The following DLC1 variants were observed in gnomAD, a reference collection of about 807,000 sequenced individuals.
DLC1 encodes rho GTPase-activating protein 7.
DLC1 carries 54 observed loss-of-function variants against 140.3 expected under a neutral mutation model. The ratio of observed to expected loss-of-function variants is 0.38; its 90% CI spans 0.31 to 0.48. The LOEUF (loss-of-function observed/expected upper bound fraction) is 0.48. Ranked by LOEUF, DLC1 falls within the 20% of genes least tolerant of loss-of-function variation. The pLI, the probability that DLC1 is intolerant of heterozygous loss-of-function variation, is 0.96. For synonymous variants in DLC1, 986 were observed against 728.1 expected (o/e 1.35, Z -5.70); for missense variants, 2,536 against 1,907.0 (o/e 1.33, Z -6.14).
At chr8:13,278,348 G>C (rs1253179889) in intron 5 of DLC1, among the ~76,000 whole-genome samples, 1 of 152,218 alleles carries the variant, frequency 6.6e-6, no homozygotes, top group Non-Finnish European at 1.5e-5. Context: ...TGGGCACCTT[G>C]AAGCGTGTTG....
In DLC1 at chr8:13,567,501, T is replaced by C. The variant is rs142608247; in HGVS notation, c.-126+37036A>G. 1.9e-5 allele frequency: 29 copies of C among 1,552,070 alleles called. No individual in the cohort carries two copies. In the South Asian group the frequency reaches 1.9e-4, roughly 10 times the overall value. The stretch of plus-strand genomic sequence containing the variant: ...ATGCCTTTAGTTGTACTGTACCCGA[T>C]GAACTTTTGAACAGAATCTACTTTA... On this transcript the variant is annotated intron_variant, in intron 1 of 1. Transcript: ENST00000631382.
Position 13,277,933 on chromosome 8 carries a change from G to A in DLC1, c.1348+27336C>T, listed in dbSNP as rs554298973. On this transcript the variant is annotated intron_variant, in intron 5 of 17. Coordinates refer to ENST00000276297, the MANE Select transcript of DLC1 (RefSeq NM_182643.3). ...CTGAGTCTTCTAATTTCTACAACACGCATTATTTTCACATATATCTTTAAC... is the reference window on the plus strand; with the variant it reads ...CTGAGTCTTCTAATTTCTACAACACACATTATTTTCACATATATCTTTAAC... 7.9e-5 allele frequency among the ~76,000 whole-genome samples: 12 copies of A among 152,178 alleles called. No homozygotes were observed. The South Asian group carries it at 1.2e-3, about 16-fold the overall frequency.
chr8:13,584,023 A>C (rs540062285), intron 1 of DLC1: 10 of 152,326 alleles, frequency 6.6e-5, no homozygotes, highest in Non-Finnish European at 1.2e-4. Context: ...TTCTGTCTGT[A>C]TGTTCTGTTG....
intron 2 of DLC1, among the ~76,000 whole-genome samples, chr8:13,464,746 T>TTATATATATATATATATATTTA (rs1187889322): frequency 1.5e-5 from 2 of 130,930 alleles, no homozygotes; most frequent in African/African-American, 5.5e-5. Flanking sequence ...GAATTTTAAA[T>TTATATATATATATATATATTTA]TATATATATA....
chr8:13,441,856 C>A (rs2116924402), intron 2 of DLC1, among the ~76,000 whole-genome samples: 1 of 150,870 alleles, frequency 6.6e-6, no homozygotes, highest in African/African-American at 2.4e-5. Context: ...TTGGAAAAAA[C>A]TAAAGTTCAT....
intron 1 of DLC1, among the ~76,000 whole-genome samples, chr8:13,512,992 G>A (rs1222737429): frequency 6.9e-6 from 1 of 143,932 alleles, no homozygotes. Flanking sequence ...TTTTAAATTA[G>A]AGGAACTGCA....
At chr8:13,301,507 T>C (rs1832189052) in intron 5 of DLC1, among the ~76,000 whole-genome samples, 1 of 152,230 alleles carries the variant, frequency 6.6e-6, no homozygotes, top group Non-Finnish European at 1.5e-5. Context: ...CCAAGCATTG[T>C]TGCCTTACAT....
intron 2 of DLC1, among the ~76,000 whole-genome samples, chr8:13,410,666 A>C (rs1837743667): frequency 6.6e-6 from 1 of 152,156 alleles, no homozygotes; most frequent in African/African-American, 2.4e-5. Context: ...AAAAAAACAA[A>C]AATGTCACCA....
At chr8:13,397,212 A>C (rs1268104862) in intron 3 of DLC1, among the ~76,000 whole-genome samples, 1 of 152,122 alleles carries the variant, frequency 6.6e-6, no homozygotes, top group Non-Finnish European at 1.5e-5. Flanking sequence ...GCTGACCCTC[A>C]ATATAGAGAA....
chr8:13,173,741 T>C (rs1440829697), intron 5 of DLC1, among the ~76,000 whole-genome samples: 2 of 152,228 alleles, frequency 1.3e-5, no homozygotes, highest in South Asian at 4.1e-4. Context: ...GAACTACATA[T>C]AAAACTACAG....
At chr8:13,409,122 G>A (rs1280283512) in intron 2 of DLC1, among the ~76,000 whole-genome samples, 2 of 151,846 alleles carry the variant, frequency 1.3e-5, no homozygotes, top group African/African-American at 4.8e-5. Flanking sequence ...ATCATCCTGA[G>A]TCCAACAACT....
intron 2 of DLC1, among the ~76,000 whole-genome samples, chr8:13,417,545 C>CT (rs1308493119): frequency 1.3e-5 from 2 of 151,030 alleles, no homozygotes; most frequent in African/African-American, 4.9e-5. Context: ...TGAACTCATC[C>CT]TTTTTTATGG....
chr8:13,407,555 G>C (rs542779988), intron 2 of DLC1, among the ~76,000 whole-genome samples: 2 of 152,194 alleles, frequency 1.3e-5, no homozygotes, highest in Non-Finnish European at 2.9e-5. Flanking sequence ...ATTTGGAAGA[G>C]AACCAAAAAG....
intron 5 of DLC1, among the ~76,000 whole-genome samples, chr8:13,237,195 A>ATGTGTGTG (rs1234302531): frequency 1.5e-4 from 15 of 102,880 alleles, no homozygotes; most frequent in African/African-American, 4.4e-4. Context: ...ATATATATAT[A>ATGTGTGTG]TATGTGTGTG....
At chr8:13,239,148 GA>G (rs1421676976) in intron 5 of DLC1, among the ~76,000 whole-genome samples, 1 of 152,142 alleles carries the variant, frequency 6.6e-6, no homozygotes, top group African/African-American at 2.4e-5. Flanking sequence ...TCCAGTCTAC[GA>G]AGAACAACTG....
intron 1 of DLC1, among the ~76,000 whole-genome samples, chr8:13,506,293 A>G (rs1802061543): frequency 6.6e-6 from 1 of 152,028 alleles, no homozygotes; most frequent in Non-Finnish European, 1.5e-5. Context: ...GTGTGTACAC[A>G]TATATATTGA....
intron 5 of DLC1, among the ~76,000 whole-genome samples, chr8:13,188,827 G>GTGTATATA (rs1563149784): frequency 3.5e-5 from 1 of 28,626 alleles, no homozygotes; most frequent in African/African-American, 9.7e-5. Flanking sequence ...ATATATATAT[G>GTGTATATA]TATATATATA....
In DLC1 at chr8:13,133,298, C is replaced by G. The variant is rs1024672405; in HGVS notation, c.1349-17641G>C. The stretch of plus-strand genomic sequence containing the variant: ...GGCAGTCGGAGCGAACTGTCTCCCG[C>G]GCGCTCCGCCAGCCGGGCCCTCCCG... On this transcript the variant is annotated intron_variant, in intron 5 of 17. Transcript: ENST00000276297. 9 of 1,256,702 alleles carry G rather than the reference C, an allele frequency of 7.2e-6. No individual in the cohort carries two copies. In the Admixed American group the frequency reaches 3.0e-4, roughly 42 times the overall value. 77.8% of individuals were successfully genotyped at this position (1,256,702 alleles called of 1,614,324 possible). A position where few individuals can be genotyped will look rare whatever the true frequency, so the allele number is the denominator to read the frequency against.
At chr8:13,289,980 G>C (rs748131184) in intron 5 of DLC1, among the ~76,000 whole-genome samples, 17 of 152,104 alleles carry the variant, frequency 1.1e-4, no homozygotes, top group Non-Finnish European at 2.5e-4. Context: ...TATTTTGCTT[G>C]TTCAATACAC....
Sources: gnomAD v4.1 joint callset for allele counts (sites outside exome capture counted in the v4.1 genomes callset) on GRCh38, gnomAD v4.1.1 for gene constraint, MANE v1.5 for transcripts, NCBI Gene and HGNC (gene_info 2026-07-23, HGNC 2026-07-21) for gene names.